ABCC1: variants seen among roughly 807,000 people sequenced by gnomAD.
The protein encoded by ABCC1 is multidrug resistance-associated protein 1.
In ABCC1, 83 loss-of-function variants were observed where a neutral mutation model predicts 172.9. The observed-to-expected ratio is 0.48, with a 90% CI of 0.40 to 0.58. The LOEUF (loss-of-function observed/expected upper bound fraction) is 0.58, where lower values mean the gene tolerates loss of function less well. Ranked by LOEUF, ABCC1 falls within the 20% of genes least tolerant of loss-of-function variation. The probability of loss-of-function intolerance (pLI) is 0.00; values close to 1 mark genes in which losing one functional copy is unlikely to be tolerated. For missense variants in ABCC1, 1,817 were observed against 2,002.7 expected (o/e 0.91, Z 1.77); for synonymous variants, 937 against 825.2 (o/e 1.14, Z -2.32).
chr16:16,126,411 A>T (rs1340526631), intron 26 of ABCC1, among the ~76,000 whole-genome samples: 1 of 152,066 alleles, frequency 6.6e-6, no homozygotes, highest in East Asian at 1.9e-4. Context: ...TGTGTGATGG[A>T]GTCTCACTGT....
At chr16:16,112,156 A>G (rs2052414097) in intron 22 of ABCC1, among the ~76,000 whole-genome samples, 2 of 152,168 alleles carry the variant, frequency 1.3e-5, no homozygotes, top group Non-Finnish European at 2.9e-5. Context: ...ATTCGAGACC[A>G]GCCTGGGCAA....
At position 16,068,176 on chromosome 16, in the gene ABCC1, C is replaced by T. The variant is rs1406360168; in HGVS notation, c.1698C>T (p.Ala566=). The T allele has an allele frequency of 1.1e-5, 18 of 1,614,132 alleles. 1 individual carries two copies. The highest frequency in any genetic ancestry group is 1.6e-4 in the Middle Eastern group (1 of 6,062). Residue 566 remains alanine, a synonymous_variant, in exon 13 of 31, where the codon GCC becomes GCT. Coordinates refer to ENST00000399410, the MANE Select transcript of ABCC1 (RefSeq NM_004996.4). ...TGCAGGTGGCCTTGTGCACATTTGC[C>T]GTCTACGTGACCATTGACGAGAACA... The part of the protein sequence containing the change: ...TPFLVALCTF[A]VYVTIDENNI...
Position 16,141,167 on chromosome 16 carries a change from C to T in ABCC1, c.4488-6C>T. Reference sequence around the variant, plus strand: ...TCCCCTCATGTCTGTATCCCCTCTCCCTCAGGGTGATCGTCTTGGACAAAG... The same window carrying T: ...TCCCCTCATGTCTGTATCCCCTCTCTCTCAGGGTGATCGTCTTGGACAAAG... On this transcript the variant is annotated splice_region_variant and splice_polypyrimidine_tract_variant and intron_variant, in intron 30 of 30. Transcript: ENST00000399410. The T allele has an allele frequency of 1.2e-6, 2 of 1,613,574 alleles. No homozygotes were observed. The highest frequency in any genetic ancestry group is 2.2e-5 in the South Asian group (2 of 91,068).
chr16:16,049,538 C>T, intron 10 of ABCC1, among the ~76,000 whole-genome samples: 1 of 152,184 alleles, frequency 6.6e-6, no homozygotes, highest in Non-Finnish European at 1.5e-5. Flanking sequence ...TTGATGAAAG[C>T]CTGCTCATCC....
chr16:16,048,277 A>G lies in ABCC1; in HGVS notation c.1354A>G (p.Ile452Val). The G allele has an allele frequency of 1.2e-6, 2 of 1,614,098 alleles. No homozygotes were observed. The highest frequency in any genetic ancestry group is 1.7e-6 in the Non-Finnish European group (2 of 1,179,986). ...NMIWSAPLQVILALYLLWLNL... is the reference protein window; with the variant it reads ...NMIWSAPLQVVLALYLLWLNL... Reference sequence around the variant, plus strand: ...GATCTGGTCAGCCCCCCTGCAAGTCATCCTTGCTCTCTACCTCCTGTGGCT... The same window carrying G: ...GATCTGGTCAGCCCCCCTGCAAGTCGTCCTTGCTCTCTACCTCCTGTGGCT... The change falls in exon 10 of 31, where the codon ATC becomes GTC. Residue 452 changes from isoleucine to valine, a missense_variant. By Grantham distance (29) the Ile-to-Val change is conservative. This residue lies in a region of ABCC1 where 1,412 missense variants were observed against 1,600.3 expected (regional missense o/e 0.88). Coordinates refer to ENST00000399410, the MANE Select transcript of ABCC1 (RefSeq NM_004996.4).
chr16:15,988,739 CTGCT>C (rs1178110279), intron 1 of ABCC1, among the ~76,000 whole-genome samples: 1 of 152,130 alleles, frequency 6.6e-6, no homozygotes, highest in Non-Finnish European at 1.5e-5. Context: ...AGCCTGACCT[CTGCT>C]TTCTTTTTAG....
At chr16:15,977,237 C>G (rs2046515257) in intron 1 of ABCC1, among the ~76,000 whole-genome samples, 1 of 152,154 alleles carries the variant, frequency 6.6e-6, no homozygotes, top group South Asian at 2.1e-4. Context: ...CTGAGTTTCA[C>G]AACTTCTGGG....
chr16:15,963,281 G>T (rs758096663), intron 1 of ABCC1, among the ~76,000 whole-genome samples: 2 of 152,228 alleles, frequency 1.3e-5, no homozygotes, highest in Non-Finnish European at 2.9e-5. Flanking sequence ...GTATAGCCCC[G>T]CTCCTGGCTG....
intron 12 of ABCC1, among the ~76,000 whole-genome samples, chr16:16,061,754 CT>C (rs796444228): frequency 4.8e-5 from 7 of 144,732 alleles, no homozygotes; most frequent in East Asian, 4.0e-4. Flanking sequence ...TACAAAATGG[CT>C]TTTTTTTTCT....
intron 1 of ABCC1, among the ~76,000 whole-genome samples, chr16:15,972,517 G>A (rs906203077): frequency 6.6e-6 from 1 of 152,076 alleles, no homozygotes; most frequent in Admixed American, 6.6e-5. Context: ...AATATATCTG[G>A]GTTCAAGGTA....
At chr16:16,056,599 G>T in intron 12 of ABCC1, 1 of 412,474 alleles carries the variant, frequency 2.4e-6, no homozygotes, top group Non-Finnish European at 4.5e-6. Context: ...AACCTGGGAG[G>T]CGACGGTTGG....
At position 16,061,603 on chromosome 16, in the gene ABCC1, T is replaced by C. The variant is rs111965935; in HGVS notation, c.1677+5308T>C. ...ACACCAGTCACCTTGCTTCCCTCTC[T>C]CCATGTTTCTTGTGTGTTTTTCCAG... is the stretch of plus-strand genomic sequence containing the variant. On this transcript the variant is annotated intron_variant, in intron 12 of 30. Coordinates refer to ENST00000399410, the MANE Select transcript of ABCC1 (RefSeq NM_004996.4). Among the ~76,000 whole-genome samples, 1,156 of 152,280 alleles carry C rather than the reference T, an allele frequency of 7.6e-3. 9 individuals are homozygous for C. Among genetic ancestry groups the C allele is most frequent in the Non-Finnish European group, 0.013 (859 of 68,024 alleles).
intron 19 of ABCC1, among the ~76,000 whole-genome samples, chr16:16,097,103 GTTTGTTTGT>G (rs1366416805): frequency 3.9e-5 from 6 of 151,934 alleles, no homozygotes; most frequent in African/African-American, 1.5e-4. Context: ...TGAGGGTTTT[GTTTGTTTGT>G]TTTGTTTTGT....
chr16:16,088,139 G>GTGTA (rs5815855), intron 18 of ABCC1, among the ~76,000 whole-genome samples: 23 of 151,800 alleles, frequency 1.5e-4, no homozygotes, highest in Middle Eastern at 3.4e-3. Context: ...GTGTGTGTGT[G>GTGTA]TGTGTGTGTG....
rs557586752 is a variant in ABCC1 at position 15,978,862 on chromosome 16, AG to A, written c.49-28952del. ...AGTTGGTGTCTGTTGGGTTAGGATC[AG>A]GAATGCTATAAACATCCTGTGATAC... On this transcript the variant is annotated intron_variant, in intron 1 of 30. Transcript: ENST00000399410. 3.9e-5 allele frequency among the ~76,000 whole-genome samples: 6 copies of A among 152,306 alleles called. No individual in the cohort carries two copies. In the East Asian group the frequency reaches 9.6e-4, roughly 24 times the overall value.
intron 1 of ABCC1, among the ~76,000 whole-genome samples, chr16:15,970,491 G>A (rs2046342440): frequency 2.6e-5 from 4 of 152,246 alleles, no homozygotes; most frequent in African/African-American, 9.6e-5. Flanking sequence ...AGCGCAGCTA[G>A]CAGTTTCTGC....
chr16:16,072,875 C>T (rs1400577287), intron 14 of ABCC1, among the ~76,000 whole-genome samples: 2 of 151,482 alleles, frequency 1.3e-5, no homozygotes, highest in East Asian at 2.0e-4. Context: ...AACCCCGTCT[C>T]TACTGAAAAT....
intron 21 of ABCC1, among the ~76,000 whole-genome samples, chr16:16,107,622 C>T (rs948192073): frequency 2.6e-5 from 4 of 152,154 alleles, no homozygotes; most frequent in African/African-American, 9.7e-5. Context: ...CTAATGATTA[C>T]GTCCCTGAGA....
chr16:15,988,236 C>G (rs1270584585), intron 1 of ABCC1, among the ~76,000 whole-genome samples: 1 of 152,136 alleles, frequency 6.6e-6, no homozygotes, highest in Non-Finnish European at 1.5e-5. Context: ...TATTTAAATA[C>G]CCGTCCTCAG....
Sources: gnomAD v4.1 joint callset for allele counts (sites outside exome capture counted in the v4.1 genomes callset) on GRCh38, gnomAD v4.1.1 for gene constraint, gnomAD v4.1.1 regional missense constraint, MANE v1.5 for transcripts, NCBI Gene and HGNC (gene_info 2026-07-23, HGNC 2026-07-21) for gene names.